Variants in KCNQ1OT1 observed in about 807,000 individuals in gnomAD.
KCNQ1OT1 encodes the protein KCNQ1 antisense RNA 2 (non-protein coding).
chr11:2,693,743 C>G lies in KCNQ1OT1; in HGVS notation n.6252G>C, dbSNP rs190171684. The G allele has an allele frequency of 1.2e-3, 478 of 398,726 alleles. 3 individuals carry two copies. The highest frequency in any genetic ancestry group is 9.1e-3 in the African/African-American group (446 of 48,762). The allele number at this position is 398,726 out of a possible 1,614,324, so 24.7% of individuals were successfully genotyped here. On this transcript the variant is annotated non_coding_transcript_exon_variant, in exon 1 of 1. Coordinates refer to ENST00000597346, the Ensembl canonical transcript of KCNQ1OT1. Reference sequence around the variant, plus strand: ...GGTGTGACTGGAACCCTGGGTTATACAGGCTCCTGCCAGTAACCTGGACAT... The same window carrying G: ...GGTGTGACTGGAACCCTGGGTTATAGAGGCTCCTGCCAGTAACCTGGACAT...
rs966058967 is a variant in KCNQ1OT1 at position 2,645,110 on chromosome 11, T to G, written n.54885A>C. 1 of 398,478 alleles carries G rather than the reference T, an allele frequency of 2.5e-6. No individual in the cohort carries two copies. Among genetic ancestry groups the G allele is most frequent in the Non-Finnish European group, 4.4e-6 (1 of 226,090 alleles). The allele number at this position is 398,478 out of a possible 1,614,324, so 24.7% of individuals were successfully genotyped here. On this transcript the variant is annotated non_coding_transcript_exon_variant, in exon 1 of 1. Transcript: ENST00000597346. The surrounding 1 kb of genome is among the most constrained non-coding windows in gnomAD (Gnocchi z 5.8). ...GTCCTTGAGCTCTGAGCAGCAGATATGGCTTGGGCAATGGCAGTAGCAGTG... is the reference window on the plus strand; with the variant it reads ...GTCCTTGAGCTCTGAGCAGCAGATAGGGCTTGGGCAATGGCAGTAGCAGTG...
exon 1 of KCNQ1OT1, chr11:2,618,282 A>G (rs1473195411): frequency 7.5e-6 from 3 of 398,502 alleles, no homozygotes; most frequent in African/African-American, 6.2e-5. Context: ...CATAAAATAC[A>G]CTAACAATAA....
chr11:2,609,686 TTA>T (rs1200401802), exon 1 of KCNQ1OT1: 3 of 398,288 alleles, frequency 7.5e-6, no homozygotes, highest in South Asian at 2.5e-4. Context: ...TTTTTGCTTC[TTA>T]TGTTTTAGTT....
Position 2,677,397 on chromosome 11 carries a change from G to T in KCNQ1OT1, n.22598C>A, listed in dbSNP as rs1277292580. Reference sequence around the variant, plus strand: ...AGTTGAAGAGGAAACCAAGATCGATGCCTAGATAAGCATTTCAGAGGACAG... The same window carrying T: ...AGTTGAAGAGGAAACCAAGATCGATTCCTAGATAAGCATTTCAGAGGACAG... On this transcript the variant is annotated non_coding_transcript_exon_variant, in exon 1 of 1. Transcript: ENST00000597346. This position sits in a 1 kb window ranked among gnomAD's most constrained non-coding sequence, Gnocchi z 4.5. The T allele has an allele frequency of 2.5e-6, 1 of 398,468 alleles. No individual in the cohort carries two copies. The highest frequency in any genetic ancestry group is 3.6e-5 in the East Asian group (1 of 28,082). The allele number at this position is 398,468 out of a possible 1,614,324, so 24.7% of individuals were successfully genotyped here.
chr11:2,653,801 T>A lies in KCNQ1OT1; in HGVS notation n.46194A>T, dbSNP rs938651354. The A allele has an allele frequency of 5.0e-6, 2 of 398,498 alleles. No homozygotes were observed. The highest frequency in any genetic ancestry group is 4.1e-5 in the African/African-American group (2 of 48,638). 24.7% of individuals were successfully genotyped at this position (398,498 alleles called of 1,614,324 possible). On this transcript the variant is annotated non_coding_transcript_exon_variant, in exon 1 of 1. Transcript: ENST00000597346. The surrounding 1 kb of genome is among the most constrained non-coding windows in gnomAD (Gnocchi z 5.3). Reference sequence around the variant, plus strand: ...CTTGGACCTGCAGCTGTACCTCCGATGGCTGAGGCAAGGTCCACAGGGACC... The same window carrying A: ...CTTGGACCTGCAGCTGTACCTCCGAAGGCTGAGGCAAGGTCCACAGGGACC...
At position 2,674,158 on chromosome 11, in the gene KCNQ1OT1, G is replaced by A; in HGVS notation, n.25837C>T. 2.5e-6 allele frequency: 1 copy of A among 398,746 alleles called. No individual in the cohort carries two copies. The highest frequency in any genetic ancestry group is 6.3e-4 in the Middle Eastern group (1 of 1,590). The allele number at this position is 398,746 out of a possible 1,614,324, so 24.7% of individuals were successfully genotyped here. A position where few individuals can be genotyped will look rare whatever the true frequency, so the allele number is the denominator to read the frequency against. On this transcript the variant is annotated non_coding_transcript_exon_variant, in exon 1 of 1. Transcript: ENST00000597346. This position sits in a 1 kb window ranked among gnomAD's most constrained non-coding sequence, Gnocchi z 5.9. ...CCCAGTGTGGGCTCAGGAAGGGAAG[G>A]AATGTGACCAAGGCTGGGTGTGGCT... is the stretch of plus-strand genomic sequence containing the variant.
At chr11:2,628,929 G>A (rs1050167462) in exon 1 of KCNQ1OT1, 16 of 398,208 alleles carry the variant, frequency 4.0e-5, no homozygotes, top group Middle Eastern at 6.2e-4. Context: ...GACCATAAAT[G>A]TGTGGGTTTA....
chr11:2,611,081 T>A lies in KCNQ1OT1; in HGVS notation n.88914A>T. 2 of 398,572 alleles carry A rather than the reference T, an allele frequency of 5.0e-6. No individual in the cohort carries two copies. Among genetic ancestry groups the A allele is most frequent in the Admixed American group, 4.4e-5 (1 of 22,732 alleles). 24.7% of individuals were successfully genotyped at this position (398,572 alleles called of 1,614,324 possible). A position where few individuals can be genotyped will look rare whatever the true frequency, so the allele number is the denominator to read the frequency against. On this transcript the variant is annotated non_coding_transcript_exon_variant, in exon 1 of 1. Coordinates refer to ENST00000597346, the Ensembl canonical transcript of KCNQ1OT1. This position sits in a 1 kb window ranked among gnomAD's most constrained non-coding sequence, Gnocchi z 5.3. ...TTCAGGGCTGTGTTTTTAGCTGTTA[T>A]AAATTTTTATTTCTTTATGACTTCT...
exon 1 of KCNQ1OT1, chr11:2,650,676 TTC>T: frequency 2.5e-6 from 1 of 398,654 alleles, no homozygotes; most frequent in Non-Finnish European, 4.4e-6. Flanking sequence ...TTTAAGCCTC[TTC>T]TCTGATTCTG....
Position 2,651,159 on chromosome 11 carries a change from G to C in KCNQ1OT1, n.48836C>G. 1 of 398,646 alleles carries C rather than the reference G, an allele frequency of 2.5e-6. No homozygotes were observed. 24.7% of individuals were successfully genotyped at this position (398,646 alleles called of 1,614,324 possible). A position where few individuals can be genotyped will look rare whatever the true frequency, so the allele number is the denominator to read the frequency against. On this transcript the variant is annotated non_coding_transcript_exon_variant, in exon 1 of 1. Transcript: ENST00000597346. The surrounding 1 kb of genome is among the most constrained non-coding windows in gnomAD (Gnocchi z 6.1). ...AAGGGAGTTCTTTAAATGTACAGTG[G>C]ATCTTGCTGCTTCCCTACTCAAATG...
exon 1 of KCNQ1OT1, chr11:2,697,264 A>T (rs1212798916): frequency 2.5e-6 from 1 of 398,464 alleles, no homozygotes; most frequent in Non-Finnish European, 4.4e-6. Context: ...GGTTTCAATA[A>T]CTTTTAAGAA....
At chr11:2,622,708 G>A (rs1344676132) in exon 1 of KCNQ1OT1, 3 of 398,378 alleles carry the variant, frequency 7.5e-6, no homozygotes, top group African/African-American at 2.1e-5. Flanking sequence ...GTGTGTATGT[G>A]TATTTTAAAG....
In KCNQ1OT1 at chr11:2,671,127, G is replaced by A. The variant is rs1235781598; in HGVS notation, n.28868C>T. 2.5e-6 allele frequency: 1 copy of A among 398,672 alleles called. No homozygotes were observed. The allele number at this position is 398,672 out of a possible 1,614,324, so 24.7% of individuals were successfully genotyped here. The stretch of plus-strand genomic sequence containing the variant: ...CTGAGCAGTTAGTCTGTCAGGCCTG[G>A]TTGGTCCCATGGGAGGCCTGAGGTG... On this transcript the variant is annotated non_coding_transcript_exon_variant, in exon 1 of 1. Coordinates refer to ENST00000597346, the Ensembl canonical transcript of KCNQ1OT1. The surrounding 1 kb of genome is among the most constrained non-coding windows in gnomAD (Gnocchi z 4.7).
At chr11:2,699,986 G>A (rs563140602) in exon 1 of KCNQ1OT1, 33 of 398,292 alleles carry the variant, frequency 8.3e-5, no homozygotes, top group African/African-American at 1.6e-4. Flanking sequence ...GCGACGCGGC[G>A]ACCGTTCTGC....
chr11:2,664,574 G>A lies in KCNQ1OT1; in HGVS notation n.35421C>T, dbSNP rs74667646. 1.3e-5 allele frequency: 5 copies of A among 398,520 alleles called. No homozygotes were observed. Among genetic ancestry groups the A allele is most frequent in the African/African-American group, 6.2e-5 (3 of 48,612 alleles). The allele number at this position is 398,520 out of a possible 1,614,324, so 24.7% of individuals were successfully genotyped here. On this transcript the variant is annotated non_coding_transcript_exon_variant, in exon 1 of 1. Transcript: ENST00000597346. This position sits in a 1 kb window ranked among gnomAD's most constrained non-coding sequence, Gnocchi z 5.1. Reference sequence around the variant, plus strand: ...TGGGGGCCGTGCAGGTCTTCTGCCCGCATTGGGGCTGCATTCCTCCACCTC... The same window carrying A: ...TGGGGGCCGTGCAGGTCTTCTGCCCACATTGGGGCTGCATTCCTCCACCTC...
exon 1 of KCNQ1OT1, chr11:2,696,597 C>T: frequency 2.5e-6 from 1 of 398,616 alleles, no homozygotes; most frequent in Admixed American, 4.4e-5. Context: ...TTACTCAAGC[C>T]CTCCAACTGG....
Position 2,671,708 on chromosome 11 carries a change from G to A in KCNQ1OT1, n.28287C>T. 1 of 398,764 alleles carries A rather than the reference G, an allele frequency of 2.5e-6. No homozygotes were observed. The highest frequency in any genetic ancestry group is 4.4e-6 in the Non-Finnish European group (1 of 226,134). 24.7% of individuals were successfully genotyped at this position (398,764 alleles called of 1,614,324 possible). ...CAAGGCAATAGAGGGTACTTGGGAA[G>A]TAGGGTGGTAGGCAAGGCTTTTCAG... On this transcript the variant is annotated non_coding_transcript_exon_variant, in exon 1 of 1. Transcript: ENST00000597346. The surrounding 1 kb of genome is among the most constrained non-coding windows in gnomAD (Gnocchi z 4.7).
In KCNQ1OT1 at chr11:2,682,743, A is replaced by G; in HGVS notation, n.17252T>C. ...TAAAGAATCTCTTCCCCTTGAGCCC[A>G]CTCATCTCTGTTGACATTCTAGAAA... On this transcript the variant is annotated non_coding_transcript_exon_variant, in exon 1 of 1. Transcript: ENST00000597346. This position sits in a 1 kb window ranked among gnomAD's most constrained non-coding sequence, Gnocchi z 5.8. The G allele has an allele frequency of 2.5e-6, 1 of 398,616 alleles. No individual in the cohort carries two copies. The highest frequency in any genetic ancestry group is 4.4e-6 in the Non-Finnish European group (1 of 226,086). The allele number at this position is 398,616 out of a possible 1,614,324, so 24.7% of individuals were successfully genotyped here.
At position 2,682,620 on chromosome 11, in the gene KCNQ1OT1, T is replaced by G. The variant is rs1348689606; in HGVS notation, n.17375A>C. ...GGAGAGTGTAAGGCTTGAGAGCTCTTCTTCAGGCTCAGTCATCCCTGCTTC... is the reference window on the plus strand; with the variant it reads ...GGAGAGTGTAAGGCTTGAGAGCTCTGCTTCAGGCTCAGTCATCCCTGCTTC... On this transcript the variant is annotated non_coding_transcript_exon_variant, in exon 1 of 1. Transcript: ENST00000597346. The surrounding 1 kb of genome is among the most constrained non-coding windows in gnomAD (Gnocchi z 5.8). The G allele has an allele frequency of 2.5e-6, 1 of 398,598 alleles. No homozygotes were observed. The highest frequency in any genetic ancestry group is 3.6e-5 in the East Asian group (1 of 28,068). 24.7% of individuals were successfully genotyped at this position (398,598 alleles called of 1,614,324 possible).
Sources: allele counts gnomAD v4.1 joint callset, GRCh38; gene constraint gnomAD v4.1.1; non-coding constraint Gnocchi (gnomAD v3.1); transcripts MANE v1.5; gene names NCBI Gene and HGNC (gene_info 2026-07-23, HGNC 2026-07-21).